Variants in F8 observed in about 807,000 individuals in gnomAD.
The protein encoded by F8 is antihemophilic factor.
F8 carries 12 observed loss-of-function variants against 140.6 expected under a neutral mutation model. That is an observed-to-expected ratio of 0.09 (90% CI 0.05 to 0.14). The LOEUF is 0.14. Among genes scored for constraint, F8 ranks in the 10% least tolerant of loss-of-function variants. The pLI is 1.00. For missense variants in F8, 1,354 were observed against 1,720.7 expected (o/e 0.79, Z 3.77); for synonymous variants, 585 against 614.6 (o/e 0.95, Z 0.71).
chrX:154,973,255 C>T (rs782765633), intron 6 of F8, among the ~76,000 whole-genome samples: 1 of 112,298 alleles, frequency 8.9e-6, no homozygotes, highest in East Asian at 2.8e-4. Context: ...GTTACTATAA[C>T]TTTGTAGTAT....
chrX:154,843,500 G>C (rs2072538984), intron 25 of F8, among the ~76,000 whole-genome samples: 2 of 112,134 alleles, frequency 1.8e-5, no homozygotes, highest in African/African-American at 6.5e-5. Context: ...ACTGGTGTGA[G>C]ATGGTATCTC....
At chrX:154,974,334 GT>G (rs1338649217) in intron 6 of F8, among the ~76,000 whole-genome samples, 1 of 111,921 alleles carries the variant, frequency 8.9e-6, no homozygotes, top group Non-Finnish European at 1.9e-5. Flanking sequence ...TTTGTTGAGA[GT>G]TTTTATCATG....
intron 25 of F8, among the ~76,000 whole-genome samples, chrX:154,849,158 A>T (rs2072594841): frequency 9.2e-6 from 1 of 109,200 alleles, no homozygotes; most frequent in Non-Finnish European, 1.9e-5. Context: ...ATTTTTTTTT[A>T]GTAGAGACGG....
intron 6 of F8, among the ~76,000 whole-genome samples, chrX:154,983,815 A>G (rs1030459523): frequency 1.8e-5 from 2 of 112,019 alleles, no homozygotes; most frequent in Non-Finnish European, 3.8e-5. Flanking sequence ...TATAGAGCAG[A>G]ATTTCCAGGG....
At chrX:154,982,198 T>C (rs1390984896) in intron 6 of F8, among the ~76,000 whole-genome samples, 1 of 73,585 alleles carries the variant, frequency 1.4e-5, no homozygotes. Context: ...AATATATATA[T>C]ATACTTTGGG....
chrX:154,997,231 C>T, intron 2 of F8, 136 bp from the exon 3 acceptor site: 3 of 749,828 alleles, frequency 4.0e-6, no homozygotes, highest in Admixed American at 4.7e-5. Flanking sequence ...TATTTGCTTG[C>T]TGCCAACATC....
chrX:155,014,805 G>A (rs2073726331), intron 1 of F8, among the ~76,000 whole-genome samples: 4 of 112,239 alleles, frequency 3.6e-5, no homozygotes, highest in Non-Finnish European at 7.5e-5. Flanking sequence ...GCCATACCAT[G>A]TTGTTGTATT....
At chrX:154,922,318 T>C (rs73563660) in intron 14 of F8, among the ~76,000 whole-genome samples, 1,130 of 112,073 alleles carry the variant, frequency 0.01, 15 homozygotes, top group African/African-American at 0.035. Flanking sequence ...CCTAGAGTCC[T>C]AGAGTTTGGA....
chrX:154,838,716 A>G (rs1216859032), intron 25 of F8, among the ~76,000 whole-genome samples: 3 of 111,912 alleles, frequency 2.7e-5, no homozygotes, highest in Non-Finnish European at 3.8e-5. Context: ...GTGTGGTGTC[A>G]GTTTTACTTC....
At chrX:154,855,376 C>A (rs180949807) in intron 25 of F8, among the ~76,000 whole-genome samples, 64 of 111,435 alleles carry the variant, frequency 5.7e-4, no homozygotes, top group African/African-American at 2.0e-3. Context: ...CTGAAGGAGA[C>A]CCTTATCTAC....
chrX:154,933,818 A>G (rs2073210356), intron 13 of F8, among the ~76,000 whole-genome samples: 1 of 112,643 alleles, frequency 8.9e-6, no homozygotes, highest in East Asian at 2.8e-4. Context: ...CATAGCTTCT[A>G]TAATTTAAGA....
At chrX:154,853,089 C>T (rs782067292) in intron 25 of F8, among the ~76,000 whole-genome samples, 1 of 110,273 alleles carries the variant, frequency 9.1e-6, no homozygotes, top group Non-Finnish European at 1.9e-5. Context: ...GTCTTCAGAC[C>T]AGACAGTTCT....
chrX:154,957,711 C>T (rs781951333), intron 10 of F8, among the ~76,000 whole-genome samples: 4 of 109,458 alleles, frequency 3.7e-5, no homozygotes, highest in Admixed American at 9.8e-5. Flanking sequence ...CATGGTGAAA[C>T]GCCATCTCTA....
chrX:154,911,451 G>A (rs1227965704), intron 14 of F8, among the ~76,000 whole-genome samples: 3 of 110,274 alleles, frequency 2.7e-5, no homozygotes, highest in Admixed American at 9.6e-5. Flanking sequence ...AAGTGAAAAC[G>A]TGATATTTGT....
chrX:154,857,045 A>G (rs782704650), intron 25 of F8, among the ~76,000 whole-genome samples: 6 of 112,414 alleles, frequency 5.3e-5, no homozygotes, highest in Non-Finnish European at 9.4e-5. Context: ...TTGAGCAGCT[A>G]GCAGGATCTT....
Position 154,904,425 on chromosome X carries a change from C to A in F8, c.5686G>T (p.Ala1896Ser). ...HGRQVTVQEF[A>S]LFFTIFDETK... ...TCATCAAAGATGGTGAAAAACAGAG[C>A]AAATTCCTGTACTGTCACTTGTCTC... Residue 1896 changes from alanine to serine, a missense_variant, in exon 17 of 26, where the codon GCT (alanine) becomes TCT (serine). By Grantham distance (99) the Ala-to-Ser change is moderately conservative (BLOSUM62 1). Transcript: ENST00000360256. 8.3e-7 allele frequency: 1 copy of A among 1,211,509 alleles called. No homozygotes were observed. The highest frequency in any genetic ancestry group is 1.1e-6 in the Non-Finnish European group (1 of 895,215).
intron 6 of F8, among the ~76,000 whole-genome samples, chrX:154,974,745 A>G (rs2073475867): frequency 8.9e-6 from 1 of 111,831 alleles, no homozygotes; most frequent in Admixed American, 9.4e-5. Context: ...GAGACTTTGT[A>G]TTTTTGCTTC....
intron 7 of F8, 81 bp from the exon 8 acceptor site, chrX:154,966,768 A>G (rs2073426782): frequency 1.8e-6 from 2 of 1,093,597 alleles, no homozygotes; most frequent in South Asian, 1.9e-5. Context: ...TAATTTATAA[A>G]GAAAAGAGAT....
intron 1 of F8, among the ~76,000 whole-genome samples, chrX:155,012,911 C>T (rs1283680123): frequency 9.1e-6 from 1 of 109,676 alleles, no homozygotes; most frequent in African/African-American, 3.3e-5. Flanking sequence ...CTTTGGGAGG[C>T]CGAGGTGGGC....
Sources: allele counts gnomAD v4.1 joint callset (sites outside exome capture counted in the v4.1 genomes callset), GRCh38; gene constraint gnomAD v4.1.1; transcripts MANE v1.5; gene names NCBI Gene and HGNC (gene_info 2026-07-23, HGNC 2026-07-21).